Variants in GNAI1 observed in about 807,000 individuals in gnomAD.
GNAI1 encodes guanine nucleotide-binding protein G(i) subunit alpha-1.
Under a neutral mutation model 38.9 loss-of-function variants are expected in GNAI1, and 11 were observed. The observed-to-expected ratio is 0.28, with a 90% confidence interval of 0.18 to 0.47. GNAI1 has a LOEUF of 0.47. Among genes scored for constraint, GNAI1 ranks in the 20% least tolerant of loss-of-function variants. The pLI is 0.99. For synonymous variants in GNAI1, 166 were observed against 145.1 expected (o/e 1.14, Z -1.04); for missense variants, 317 against 436.9 (o/e 0.73, Z 2.45).
chr7:80,145,216 TAGGC>T (rs1212496722), intron 1 of GNAI1, among the ~76,000 whole-genome samples: 2 of 152,204 alleles, frequency 1.3e-5, no homozygotes, highest in African/African-American at 4.8e-5. Context: ...TTCAGAAAAA[TAGGC>T]AGTGTTCATA....
intron 1 of GNAI1, among the ~76,000 whole-genome samples, chr7:80,173,839 A>C (rs1450412200): frequency 6.6e-6 from 1 of 152,080 alleles, no homozygotes; most frequent in Admixed American, 6.6e-5. Flanking sequence ...CTCCTACGCT[A>C]TATTGGTCCA....
At chr7:80,138,517 C>G (rs1012071799) in intron 1 of GNAI1, among the ~76,000 whole-genome samples, 2 of 151,966 alleles carry the variant, frequency 1.3e-5, no homozygotes, top group Non-Finnish European at 2.9e-5. Context: ...ATAATAATGT[C>G]TAATTGTTGA....
chr7:80,164,649 A>T (rs1562828996), intron 1 of GNAI1, among the ~76,000 whole-genome samples: 1 of 151,996 alleles, frequency 6.6e-6, no homozygotes, highest in Non-Finnish European at 1.5e-5. Context: ...CTCACATTTT[A>T]CTTTTTAATG....
chr7:80,206,270 T>A (rs1562843193), intron 5 of GNAI1, among the ~76,000 whole-genome samples: 1 of 152,078 alleles, frequency 6.6e-6, no homozygotes, highest in African/African-American at 2.4e-5. Context: ...ATATAGGTAA[T>A]AATTAATTTA....
At chr7:80,151,363 G>A (rs1210030259) in intron 1 of GNAI1, among the ~76,000 whole-genome samples, 1 of 151,420 alleles carries the variant, frequency 6.6e-6, no homozygotes, top group Non-Finnish European at 1.5e-5. Flanking sequence ...ATATAATTAA[G>A]TAGAAAAATG....
intron 5 of GNAI1, among the ~76,000 whole-genome samples, chr7:80,206,510 T>C (rs1423801337): frequency 6.6e-4 from 101 of 152,176 alleles, no homozygotes; most frequent in Non-Finnish European, 3.4e-4. Flanking sequence ...CTGGAGAATA[T>C]TGTCATTTTA....
Position 80,203,816 on chromosome 7 carries a change from A to G in GNAI1, c.574A>G (p.Lys192Glu). 1.3e-6 allele frequency: 2 copies of G among 1,553,760 alleles called. No homozygotes were observed. The highest frequency in any genetic ancestry group is 1.8e-6 in the Non-Finnish European group (2 of 1,131,330). The change falls in exon 5 of 8, where the codon AAA (lysine) becomes GAA (glutamate). Residue 192 changes from lysine to glutamate, a missense_variant. Transcript: ENST00000649796. ...TGIVETHFTF[K>E]DLHFKMFDVG... Reference sequence around the variant, plus strand: ...AATTGTTGAAACCCATTTTACTTTCAAAGATCTTCATTTTAAGTGAGTAGC... The same window carrying G: ...AATTGTTGAAACCCATTTTACTTTCGAAGATCTTCATTTTAAGTGAGTAGC...
At chr7:80,208,106 T>A (rs965454795) in intron 5 of GNAI1, among the ~76,000 whole-genome samples, 2 of 152,136 alleles carry the variant, frequency 1.3e-5, no homozygotes, top group Non-Finnish European at 2.9e-5. Context: ...TGGTATTAGA[T>A]GCTAGTCTAA....
rs58698470 is a variant in GNAI1 at position 80,221,644 on chromosome 7, T to C, written c.*4151T>C. On this transcript the variant is annotated 3_prime_UTR_variant, in exon 8 of 8. Transcript: ENST00000649796. ...GTTAGGTTGGAAATTTTCTTTTTTT[T>C]TTTTTTTTTTTTTTTTTGGTATGGA... Among the ~76,000 whole-genome samples the C allele has an allele frequency of 2.6e-4, 36 of 135,866 alleles. No homozygotes were observed. Among genetic ancestry groups the C allele is most frequent in the East Asian group, 8.7e-4 (4 of 4,622 alleles). 89.1% of individuals were successfully genotyped at this position (135,866 alleles called of 152,430 possible).
rs183504969 is a variant in GNAI1, at chr7:80,224,779, A to G, written c.*7286A>G. Reference sequence around the variant, plus strand: ...TAGCTAGTCCAAAGTGAGTTGGCCTATTAGTGTAAAATACAAGAGTTCAGA... The same window carrying G: ...TAGCTAGTCCAAAGTGAGTTGGCCTGTTAGTGTAAAATACAAGAGTTCAGA... On this transcript the variant is annotated 3_prime_UTR_variant, in exon 8 of 8. Transcript: ENST00000649796. 8.5e-5 allele frequency among the ~76,000 whole-genome samples: 13 copies of G among 152,362 alleles called. No homozygotes were observed. Among genetic ancestry groups the G allele is most frequent in the South Asian group, 2.1e-4 (1 of 4,818 alleles).
intron 2 of GNAI1, 31 bp downstream of exon 2, chr7:80,189,024 TTAAG>T (rs1788435089): frequency 6.2e-7 from 1 of 1,605,186 alleles, no homozygotes; most frequent in Non-Finnish European, 8.5e-7. Flanking sequence ...AATTTGCTGT[TTAAG>T]TTAGTGTACC....
chr7:80,173,395 C>G (rs1361016332), intron 1 of GNAI1, among the ~76,000 whole-genome samples: 1 of 152,074 alleles, frequency 6.6e-6, no homozygotes, highest in South Asian at 2.1e-4. Context: ...TTTAATTTAT[C>G]CTGTACACAG....
intron 7 of GNAI1, among the ~76,000 whole-genome samples, chr7:80,215,961 A>G (rs1788961137): frequency 6.6e-6 from 1 of 152,124 alleles, no homozygotes; most frequent in Admixed American, 6.6e-5. Flanking sequence ...GCCAGTGTGG[A>G]GGAGAGGATC....
chr7:80,172,295 A>G (rs1788109697), intron 1 of GNAI1, among the ~76,000 whole-genome samples: 1 of 152,202 alleles, frequency 6.6e-6, no homozygotes, highest in Admixed American at 6.5e-5. Context: ...GTTGTTACAG[A>G]TTTAAACATT....
rs114305002 is a variant in GNAI1, at chr7:80,173,958, G to A, written c.119-14993G>A. ...GGCTCTCCTGCCCAAATGTGGTGTGGTCATTTTTAGGGCCCACGTTGATAA... is the reference window on the plus strand; with the variant it reads ...GGCTCTCCTGCCCAAATGTGGTGTGATCATTTTTAGGGCCCACGTTGATAA... On this transcript the variant is annotated intron_variant, in intron 1 of 7. Transcript: ENST00000649796. Among the ~76,000 whole-genome samples, 180 of 152,262 alleles carry A rather than the reference G, an allele frequency of 1.2e-3. 1 individual carries two copies. The highest frequency in any genetic ancestry group is 4.2e-3 in the African/African-American group (175 of 41,546).
At chr7:80,157,517 C>T (rs1355706027) in intron 1 of GNAI1, among the ~76,000 whole-genome samples, 1 of 152,112 alleles carries the variant, frequency 6.6e-6, no homozygotes, top group Non-Finnish European at 1.5e-5. Context: ...TAAGACACTA[C>T]CAAACTGTGT....
At chr7:80,173,514 C>T (rs1788131828) in intron 1 of GNAI1, among the ~76,000 whole-genome samples, 1 of 152,060 alleles carries the variant, frequency 6.6e-6, no homozygotes, top group African/African-American at 2.4e-5. Context: ...TTTAAAAGTC[C>T]ACTTATATAG....
chr7:80,199,180 C>G, intron 3 of GNAI1, 45 bp from the exon 4 acceptor site: 1 of 1,369,296 alleles, frequency 7.3e-7, no homozygotes, highest in South Asian at 1.6e-5. Context: ...CTTTTTATCT[C>G]TGACGTATCC....
chr7:80,148,062 C>G (rs1014151064), intron 1 of GNAI1, among the ~76,000 whole-genome samples: 6 of 152,020 alleles, frequency 3.9e-5, no homozygotes, highest in African/African-American at 1.5e-4. Context: ...AAAAACTGGG[C>G]TGTGGATTCT....
Sources: allele counts gnomAD v4.1 joint callset (sites outside exome capture counted in the v4.1 genomes callset), GRCh38; gene constraint gnomAD v4.1.1; transcripts MANE v1.5; gene names NCBI Gene and HGNC (gene_info 2026-07-23, HGNC 2026-07-21).